Variants in EIF4B observed in about 807,000 individuals in gnomAD.
EIF4B encodes eukaryotic translation initiation factor 4B.
A neutral mutation model predicts 79.3 loss-of-function variants in EIF4B; 8 were observed. The ratio of observed to expected loss-of-function variants is 0.10; its 90% CI spans 0.06 to 0.18. EIF4B has a LOEUF of 0.18. EIF4B is among the 10% of genes least tolerant of loss of function. EIF4B has a pLI of 1.00. For missense variants in EIF4B, 515 were observed against 792.4 expected, an observed-to-expected ratio of 0.65 and a Z score of 4.20; for synonymous variants, 238 against 274.7, an observed-to-expected ratio of 0.87 and a Z score of 1.32.
chr12:53,028,236 CTA>C, intron 8 of EIF4B, 48 bp downstream of exon 8: 1 of 1,526,872 alleles, frequency 6.5e-7, no homozygotes. Context: ...ACTGGGAAAA[CTA>C]CGGAAAATTT....
chr12:53,020,427 G>A (rs1359115551), intron 4 of EIF4B, among the ~76,000 whole-genome samples: 3 of 152,194 alleles, frequency 2.0e-5, no homozygotes, highest in African/African-American at 7.2e-5. Context: ...TTTCAGGGAA[G>A]TGTTGTAATG....
intron 10 of EIF4B, among the ~76,000 whole-genome samples, chr12:53,035,693 A>G (rs1197433827): frequency 6.6e-6 from 1 of 151,778 alleles, no homozygotes; most frequent in Admixed American, 6.6e-5. Flanking sequence ...TTTTGTAGAG[A>G]TGGTTTCCCC....
chr12:53,031,812 C>T (rs1943451705), intron 8 of EIF4B, among the ~76,000 whole-genome samples: 1 of 152,170 alleles, frequency 6.6e-6, no homozygotes, highest in African/African-American at 2.4e-5. Flanking sequence ...AAGTCACCAT[C>T]TAGTGGTTAT....
In EIF4B at chr12:53,019,929, C is replaced by T; in HGVS notation, c.380C>T (p.Pro127Leu). Residue 127 changes from proline (P) to leucine (L), a missense_variant, in exon 4 of 15, where the codon CCA (proline) becomes CTA (leucine). Pro to Leu is a moderately conservative substitution (Grantham distance 98). Transcript: ENST00000262056. Reference protein sequence around the residue: ...RGLNISAVRLPREPSNPERLK... With the variant: ...RGLNISAVRLLREPSNPERLK... The stretch of plus-strand genomic sequence containing the variant: ...CTTCAGATCAGTGCAGTGCGTTTAC[C>T]ACGTGAACCCAGCAATCCAGAGAGG... 1 of 1,611,034 alleles carries T rather than the reference C, an allele frequency of 6.2e-7. No individual in the cohort carries two copies. Among genetic ancestry groups the T allele is most frequent in the Non-Finnish European group, 8.5e-7 (1 of 1,179,060 alleles).
intron 8 of EIF4B, among the ~76,000 whole-genome samples, chr12:53,031,172 A>G (rs566095402): frequency 2.5e-4 from 38 of 150,480 alleles, no homozygotes; most frequent in Non-Finnish European, 5.4e-4. Flanking sequence ...ATAAGATCTA[A>G]TTACCTTATT....
Position 53,030,613 on chromosome 12 carries a change from T to C in EIF4B, c.979+2425T>C, listed in dbSNP as rs1943424978. The stretch of plus-strand genomic sequence containing the variant: ...TTTTAGTAGAGACGGGGTTGCACCA[T>C]GTTGGCCAGGATGGTCTGGATCTCT... On this transcript the variant is annotated intron_variant, in intron 8 of 14. Transcript: ENST00000262056. Among the ~76,000 whole-genome samples the C allele has an allele frequency of 4.0e-5, 6 of 151,634 alleles. No individual in the cohort carries two copies. The South Asian group carries it at 1.0e-3, about 26-fold the overall frequency.
At position 53,016,218 on chromosome 12, in the gene EIF4B, A is replaced by G. The variant is rs566496050; in HGVS notation, c.14-255A>G. ...AAGGTTGCCCCCACACTCCAAACAT[A>G]CTCTCCAGGGTGTATCTCAAACACT... is the stretch of plus-strand genomic sequence containing the variant. On this transcript the variant is annotated intron_variant, in intron 1 of 14. Coordinates refer to ENST00000262056, the MANE Select transcript of EIF4B (RefSeq NM_001417.7). Among the ~76,000 whole-genome samples the G allele has an allele frequency of 6.6e-5, 10 of 152,028 alleles. No individual in the cohort carries two copies. The South Asian group carries it at 2.1e-3, about 32-fold the overall frequency.
rs1943630982 is a variant in EIF4B, at chr12:53,041,223, A to AC, written c.*1001dup. 6.6e-6 allele frequency: 1 copy of AC among 152,016 alleles called. No homozygotes were observed. The highest frequency in any genetic ancestry group is 6.5e-5 in the Admixed American group (1 of 15,272). 9.4% of individuals were successfully genotyped at this position (152,016 alleles called of 1,614,324 possible). On this transcript the variant is annotated 3_prime_UTR_variant, in exon 15 of 15. Transcript: ENST00000262056. ...TTGGGCATTTTCTCAGCCATGGAGA[A>AC]CTCTGAAAGGAAGAATCGCTGCTTT...
chr12:53,014,888 T>C (rs1245557187), intron 1 of EIF4B: 1 of 152,204 alleles, frequency 6.6e-6, no homozygotes, highest in Non-Finnish European at 1.5e-5. Context: ...GGAACTTCAC[T>C]GAGTCCCTCT....
rs1942960611 is a variant in EIF4B, at chr12:53,006,458, T to G, written c.-26T>G. The G allele has an allele frequency of 6.2e-7, 1 of 1,612,992 alleles. No homozygotes were observed. Among genetic ancestry groups the G allele is most frequent in the African/African-American group, 1.3e-5 (1 of 74,882 alleles). On this transcript the variant is annotated 5_prime_UTR_variant, in exon 1 of 15. Coordinates refer to ENST00000262056, the MANE Select transcript of EIF4B (RefSeq NM_001417.7). ...TCACGTGATTGCCTCATCCGGGTCT[T>G]TTGCGTTCTCTTTCCCTCTCCCAAC...
intron 11 of EIF4B, 44 bp from the exon 12 acceptor site, chr12:53,038,312 T>C (rs756228628): frequency 6.5e-7 from 1 of 1,530,132 alleles, no homozygotes; most frequent in South Asian, 1.3e-5. Context: ...GGTTGTTTTC[T>C]CCCTGAAACA....
rs562903804 is a variant in EIF4B, at chr12:53,029,368, T to A, written c.979+1180T>A. On this transcript the variant is annotated intron_variant, in intron 8 of 14. Transcript: ENST00000262056. ...TGGCCCAGAATTTTTTCTATCCTTTTTTTATTTTATTTTTTTTTTTTTGAG... is the reference window on the plus strand; with the variant it reads ...TGGCCCAGAATTTTTTCTATCCTTTATTTATTTTATTTTTTTTTTTTTGAG... 6.2e-3 allele frequency among the ~76,000 whole-genome samples: 581 copies of A among 93,528 alleles called. 3 individuals carry two copies. The highest frequency in any genetic ancestry group is 0.017 in the African/African-American group (554 of 32,382). 61.4% of individuals were successfully genotyped at this position (93,528 alleles called of 152,430 possible).
At chr12:53,033,623 G>A (rs1463821847) in intron 8 of EIF4B, among the ~76,000 whole-genome samples, 183 bp from the exon 9 acceptor site, 2 of 152,232 alleles carry the variant, frequency 1.3e-5, no homozygotes, top group Non-Finnish European at 2.9e-5. Context: ...TTACAGGCGT[G>A]AGCCACCATG....
chr12:53,031,162 A>G (rs1230097922), intron 8 of EIF4B, among the ~76,000 whole-genome samples: 1 of 151,094 alleles, frequency 6.6e-6, no homozygotes, highest in Non-Finnish European at 1.5e-5. Flanking sequence ...TCTTTCTGGC[A>G]TAAGATCTAA....
intron 8 of EIF4B, among the ~76,000 whole-genome samples, chr12:53,032,217 G>A (rs975907872): frequency 1.3e-5 from 2 of 152,272 alleles, no homozygotes; most frequent in East Asian, 3.9e-4. Context: ...CAAGGCAAGC[G>A]GATCACTTGA....
At chr12:53,040,012 T>G (rs1841967511) in intron 14 of EIF4B, 131 bp from the exon 15 acceptor site, 5 of 1,031,444 alleles carry the variant, frequency 4.8e-6, no homozygotes, top group Non-Finnish European at 7.3e-6. Flanking sequence ...CAATGGACAA[T>G]GCTGATGAGC....
intron 3 of EIF4B, 43 bp from the exon 4 acceptor site, chr12:53,019,867 G>A (rs758513956): frequency 1.3e-6 from 2 of 1,580,252 alleles, no homozygotes; most frequent in Admixed American, 3.5e-5. Flanking sequence ...GACAAATGAA[G>A]AAGAATGCTG....
rs1943561467 is a variant in EIF4B at position 53,037,616 on chromosome 12, C to G, written c.1514C>G (p.Pro505Arg). 6.2e-7 allele frequency: 1 copy of G among 1,613,748 alleles called. No homozygotes were observed. The highest frequency in any genetic ancestry group is 8.5e-7 in the Non-Finnish European group (1 of 1,179,798). Reference protein sequence around the residue: ...SQSSDTEQQSPTSGGGKVAPA... With the variant: ...SQSSDTEQQSRTSGGGKVAPA... ...AGCTCAGACACAGAGCAGCAGTCCCCTACAAGGTGAGTCAGTTTGGAAACA... is the reference window on the plus strand; with the variant it reads ...AGCTCAGACACAGAGCAGCAGTCCCGTACAAGGTGAGTCAGTTTGGAAACA... The change falls in exon 11 of 15, where the codon CCT (proline) becomes CGT (arginine). Residue 505 changes from proline (P) to arginine (R), a missense_variant. Around this residue, in one of 6 missense-constraint regions of EIF4B, gnomAD observed 146 missense variants for 228.0 expected, o/e 0.64. Transcript: ENST00000262056.
rs114621487 is a variant in EIF4B at position 53,027,193 on chromosome 12, C to T, written c.668-589C>T. ...CTCACTCTCTCGCCAGGCTGGAGTG[C>T]GGGGGCATGATCTCAGCGCAACCTC... On this transcript the variant is annotated intron_variant, in intron 6 of 14. Transcript: ENST00000262056. Among the ~76,000 whole-genome samples the T allele has an allele frequency of 9.3e-3, 1,232 of 132,834 alleles. 22 individuals are homozygous for T. The highest frequency in any genetic ancestry group is 0.033 in the African/African-American group (1,162 of 35,608). The allele number at this position is 132,834 out of a possible 152,430, so 87.1% of individuals were successfully genotyped here.
Sources: allele counts gnomAD v4.1 joint callset (sites outside exome capture counted in the v4.1 genomes callset), GRCh38; gene constraint gnomAD v4.1.1; regional missense constraint gnomAD v4.1.1; transcripts MANE v1.5; gene names NCBI Gene and HGNC (gene_info 2026-07-23, HGNC 2026-07-21).